Variants in BET1 observed in about 807,000 individuals in gnomAD.
The protein encoded by BET1 is Bet1 golgi vesicular membrane trafficking protein.
In BET1, 9 loss-of-function variants were observed where a neutral mutation model predicts 13.9. The ratio of observed to expected loss-of-function variants is 0.65; its 90% confidence interval spans 0.39 to 1.13. The LOEUF is 1.13. Among genes scored for constraint, BET1 ranks in the 50% most tolerant of loss-of-function variants. The probability of loss-of-function intolerance (pLI) is 0.01; values close to 1 mark genes in which losing one functional copy is unlikely to be tolerated. For missense variants in BET1, 127 were observed against 133.6 expected (o/e 0.95, Z 0.24); for synonymous variants, 39 against 47.3 (o/e 0.82, Z 0.72).
At chr7:93,998,614 G>T (rs1018308610) in intron 2 of BET1, among the ~76,000 whole-genome samples, 8 of 151,986 alleles carry the variant, frequency 5.3e-5, no homozygotes, top group African/African-American at 1.9e-4. Context: ...CAGGGGGATT[G>T]CTTTAACCTA....
At chr7:93,970,312 G>A (rs1368869060) in intron 6 of BET1, among the ~76,000 whole-genome samples, 1 of 151,708 alleles carries the variant, frequency 6.6e-6, no homozygotes, top group East Asian at 1.9e-4. Context: ...TGGAACATTG[G>A]GTAAGTATCT....
Position 93,996,517 on chromosome 7 carries a change from T to C in BET1, c.145-196A>G, listed in dbSNP as rs142097404. Among the ~76,000 whole-genome samples the C allele has an allele frequency of 3.2e-4, 48 of 152,124 alleles. No homozygotes were observed. The East Asian group carries it at 8.9e-3, about 28-fold the overall frequency. ...TTGGAATTTCTACTCCTCCCAATTA[T>C]GGACATTTCTTCTTTCCTCTTTATT... On this transcript the variant is annotated intron_variant, in intron 2 of 3. Coordinates refer to ENST00000222547, the MANE Select transcript of BET1 (RefSeq NM_005868.6).
rs1323844771 is a variant in BET1, at chr7:94,004,279, G to C, written c.-63C>G. The C allele has an allele frequency of 2.5e-6, 4 of 1,610,954 alleles. No individual in the cohort carries two copies. Among genetic ancestry groups the C allele is most frequent in the Non-Finnish European group, 3.4e-6 (4 of 1,177,398 alleles). ...TTTGGGTGAGTAGGAAACAGCTAGGGGCGACCCGGACCGCGTCTTCAGTAC... is the reference window on the plus strand; with the variant it reads ...TTTGGGTGAGTAGGAAACAGCTAGGCGCGACCCGGACCGCGTCTTCAGTAC... On this transcript the variant is annotated 5_prime_UTR_variant, in exon 1 of 4. Transcript: ENST00000222547.
chr7:93,984,525 C>T (rs1795489501), intron 4 of BET1, among the ~76,000 whole-genome samples: 1 of 151,964 alleles, frequency 6.6e-6, no homozygotes, highest in Non-Finnish European at 1.5e-5. Flanking sequence ...AAGAAGGCCA[C>T]TTTCTTTCCT....
rs532186245 is a variant in BET1 at position 93,979,696 on chromosome 7, A to G, written c.236-3596T>C. On this transcript the variant is annotated intron_variant and NMD_transcript_variant, in intron 4 of 6. Coordinates refer to the BET1 transcript ENST00000357520. ...CCCACCCCCAGCATACTGCCATATG[A>G]TTGGGAGGAAGTTTCCATCTCCCAG... Among the ~76,000 whole-genome samples the G allele has an allele frequency of 2.0e-5, 3 of 152,252 alleles. No individual in the cohort carries two copies. In the South Asian group the frequency reaches 6.2e-4, roughly 32 times the overall value.
At chr7:93,986,306 C>T (rs1795527039) in intron 4 of BET1, among the ~76,000 whole-genome samples, 1 of 152,114 alleles carries the variant, frequency 6.6e-6, no homozygotes, top group African/African-American at 2.4e-5. Context: ...CTCTGAAAAT[C>T]CATGGTAGAC....
chr7:94,004,329 C>T lies in BET1; in HGVS notation c.-113G>A, dbSNP rs1389761004. 1 of 1,444,234 alleles carries T rather than the reference C, an allele frequency of 6.9e-7. No homozygotes were observed. Among genetic ancestry groups the T allele is most frequent in the East Asian group, 2.3e-5 (1 of 43,940 alleles). The allele number at this position is 1,444,234 out of a possible 1,614,324, so 89.5% of individuals were successfully genotyped here. On this transcript the variant is annotated 5_prime_UTR_variant, in exon 1 of 4. Transcript: ENST00000222547. ...CCAGGGCCCAGCGAAACACCAACTT[C>T]TTCCCCTAAAGCGCCACGACATCAG...
intron 3 of BET1, among the ~76,000 whole-genome samples, chr7:93,995,411 T>C (rs1415455109): frequency 6.6e-6 from 1 of 152,240 alleles, no homozygotes; most frequent in Non-Finnish European, 1.5e-5. Context: ...ATATCCTTTG[T>C]ATAGCTCAGT....
chr7:93,994,377 T>C lies in BET1; in HGVS notation c.210A>G (p.Gln70=), dbSNP rs1795714136. ...QNKLLAEMDS[Q]FDSTTGFLGK... Reference sequence around the variant, plus strand: ...CTAGAAATCCAGTTGTGGAATCAAATTGTGAATCCTATCAGAGATAAAGGC... The same window carrying C: ...CTAGAAATCCAGTTGTGGAATCAAACTGTGAATCCTATCAGAGATAAAGGC... Residue 70 remains glutamine (Q), a synonymous_variant, in exon 4 of 4, where the codon CAA becomes CAG. Transcript: ENST00000222547. 4 of 1,612,238 alleles carry C rather than the reference T, an allele frequency of 2.5e-6. No homozygotes were observed. The highest frequency in any genetic ancestry group is 1.1e-5 in the South Asian group (1 of 90,564).
In BET1 at chr7:94,004,275, T is replaced by C; in HGVS notation, c.-59A>G. ...GGGCTTTGGGTGAGTAGGAAACAGC[T>C]AGGGGCGACCCGGACCGCGTCTTCA... On this transcript the variant is annotated 5_prime_UTR_variant, in exon 1 of 4. Coordinates refer to ENST00000222547, the MANE Select transcript of BET1 (RefSeq NM_005868.6). 1.9e-6 allele frequency: 3 copies of C among 1,612,020 alleles called. No individual in the cohort carries two copies. The highest frequency in any genetic ancestry group is 2.5e-6 in the Non-Finnish European group (3 of 1,178,298).
chr7:93,974,055 A>C (rs373659409), intron 5 of BET1, among the ~76,000 whole-genome samples: 4 of 152,118 alleles, frequency 2.6e-5, no homozygotes, highest in Middle Eastern at 3.4e-3. Flanking sequence ...AGGGTTGAAA[A>C]AAATACATGC....
At chr7:94,004,085 C>T in intron 1 of BET1, 113 bp downstream of exon 1, 6 of 1,473,006 alleles carry the variant, frequency 4.1e-6, no homozygotes, top group Non-Finnish European at 5.7e-6. Context: ...CCCCTCTAGA[C>T]ATCCTGTTTT....
chr7:93,992,732 C>T (rs753766423), downstream of BET1: 57 of 951,102 alleles, frequency 6.0e-5, no homozygotes, highest in East Asian at 1.0e-3. Context: ...GAGTGATTAT[C>T]GCATACCAGG....
intron 3 of BET1, 159 bp downstream of exon 3, chr7:93,996,106 T>C: frequency 3.4e-6 from 2 of 593,398 alleles, no homozygotes; most frequent in Non-Finnish European, 2.9e-6. Context: ...TGCAAAAGCA[T>C]GGCAAAATAA....
downstream of BET1, chr7:93,992,701 T>C (rs1208839161): frequency 1.0e-6 from 1 of 981,358 alleles, no homozygotes; most frequent in Non-Finnish European, 1.2e-6. Context: ...CTGTTAATGG[T>C]AGTGAGAACC....
At chr7:94,002,315 G>T (rs1445630982) in intron 1 of BET1, among the ~76,000 whole-genome samples, 1 of 151,368 alleles carries the variant, frequency 6.6e-6, no homozygotes, top group Non-Finnish European at 1.5e-5. Flanking sequence ...AAAATTTCAG[G>T]TCAATATGCA....
exon 7 of BET1, chr7:93,965,396 T>G (rs1795156974): frequency 6.6e-6 from 1 of 152,068 alleles, no homozygotes; most frequent in African/African-American, 2.4e-5. Context: ...GAAAAAAAGC[T>G]CAAGTCCTAT....
At chr7:93,991,813 GA>G (rs1473118483), downstream of BET1, 1 of 967,194 alleles carries the variant, frequency 1.0e-6, no homozygotes, top group African/African-American at 1.8e-5. Context: ...CATCAGTATA[GA>G]ATGATGACAT....
intron 5 of BET1, chr7:93,972,805 C>T (rs1021205412): frequency 2.0e-5 from 3 of 149,830 alleles, no homozygotes; most frequent in Non-Finnish European, 1.5e-5. Flanking sequence ...CAACACTTTC[C>T]TTAGGGAAAA....
Sources: gnomAD v4.1 joint callset for allele counts (sites outside exome capture counted in the v4.1 genomes callset) on GRCh38, gnomAD v4.1.1 for gene constraint, MANE v1.5 for transcripts, NCBI Gene and HGNC (gene_info 2026-07-23, HGNC 2026-07-21) for gene names.